The following ZNFX1 variants were observed in gnomAD, a reference collection of about 807,000 sequenced individuals.
ZNFX1 encodes the protein zinc finger NFX1-type containing 1, also known as NFX1-type zinc finger-containing protein 1.
ZNFX1 carries 78 observed loss-of-function variants against 179.8 expected under a neutral mutation model. That is an observed-to-expected ratio of 0.43 (90% CI 0.36 to 0.52). The LOEUF is 0.52. Among genes scored for constraint, ZNFX1 ranks in the 20% least tolerant of loss-of-function variants. The pLI is 0.00. For missense variants in ZNFX1, 1,927 were observed against 2,386.6 expected (o/e 0.81, Z 4.01); for synonymous variants, 848 against 868.5 (o/e 0.98, Z 0.42).
chr20:49,256,248 C>T (rs1272255259), intron 8 of ZNFX1, among the ~76,000 whole-genome samples: 1 of 152,152 alleles, frequency 6.6e-6, no homozygotes, highest in African/African-American at 2.4e-5. Context: ...ATAATGGTAT[C>T]TCTTTATAGG....
At chr20:49,274,036 G>C (rs188668490) in intron 2 of ZNFX1, among the ~76,000 whole-genome samples, 114 of 152,346 alleles carry the variant, frequency 7.5e-4, no homozygotes, top group African/African-American at 2.3e-3. Flanking sequence ...TTATGGAAAA[G>C]CAGGAATCCA....
At chr20:49,255,498 T>TTTTC (rs57239001) in intron 9 of ZNFX1, among the ~76,000 whole-genome samples, 104,546 of 151,400 alleles carry the variant, frequency 0.69, 36,912 homozygotes, top group Non-Finnish European at 0.77. Context: ...CTCTCTGTTC[T>TTTTC]TTTCTGAGTT....
In ZNFX1 at chr20:49,253,744, C is replaced by T. The variant is rs748323178; in HGVS notation, c.3027G>A (p.Ala1009=). Residue 1009 remains alanine, a synonymous_variant, in exon 11 of 14, where the codon GCG becomes GCA. Transcript: ENST00000396105. ...CAATGGTATGGGCCTCAAGGACTTCCGCAGCTTCTTCCACTATGACAATCC... is the reference window on the plus strand; with the variant it reads ...CAATGGTATGGGCCTCAAGGACTTCTGCAGCTTCTTCCACTATGACAATCC... The part of the protein sequence containing the change: ...EPRIVIVEEA[A]EVLEAHTIAT... 27 of 1,614,056 alleles carry T rather than the reference C, an allele frequency of 1.7e-5. No homozygotes were observed. The highest frequency in any genetic ancestry group is 6.7e-5 in the Admixed American group (4 of 60,000).
intron 11 of ZNFX1, 46 bp downstream of exon 11, chr20:49,253,619 AC>A: frequency 6.2e-7 from 1 of 1,610,602 alleles, no homozygotes; most frequent in South Asian, 1.1e-5. Context: ...TTATGATCTC[AC>A]CCCCACGGAG....
rs563292824 is a variant in ZNFX1 at position 49,271,583 on chromosome 20, G to T, written c.229C>A (p.Pro77Thr). The T allele has an allele frequency of 5.0e-6, 8 of 1,614,130 alleles. No homozygotes were observed. In the South Asian group the frequency reaches 8.8e-5, roughly 18 times the overall value. Residue 77 changes from proline (P) to threonine (T), a missense_variant, in exon 3 of 14, where the codon CCA becomes ACA. Physicochemically the swap from Pro to Thr is conservative, Grantham distance 38. Transcript: ENST00000396105. ...TCCTGGTTCCTCCTTCCTTGATGTGGGTTCCTGCCCATGGCCCTAAATCTC... is the reference window on the plus strand; with the variant it reads ...TCCTGGTTCCTCCTTCCTTGATGTGTGTTCCTGCCCATGGCCCTAAATCTC... ...EERFRAMGRNPHQGRRNQEGH... is the reference protein window; with the variant it reads ...EERFRAMGRNTHQGRRNQEGH...
Position 49,253,150 on chromosome 20 carries a change from G to C in ZNFX1, c.3106-320C>G, listed in dbSNP as rs559190493. Among the ~76,000 whole-genome samples the C allele has an allele frequency of 5.3e-5, 8 of 152,278 alleles. No individual in the cohort carries two copies. In the South Asian group the frequency reaches 1.7e-3, roughly 32 times the overall value. On this transcript the variant is annotated intron_variant, in intron 11 of 13. Coordinates refer to ENST00000396105, the MANE Select transcript of ZNFX1 (RefSeq NM_021035.3). ...CAAGATCCATAATGGGGAGCGGAAA[G>C]GACACAGTGGGACACCAAGAGCAAA...
At position 49,264,779 on chromosome 20, in the gene ZNFX1, C is replaced by T. The variant is rs1568985707; in HGVS notation, c.2088G>A (p.Glu696=). Reference sequence around the variant, plus strand: ...GGCGGAATTCCCGCTTGTTCCTCAGCTCCCTTAGGGTGAACTGCTTCAGGA... The same window carrying T: ...GGCGGAATTCCCGCTTGTTCCTCAGTTCCCTTAGGGTGAACTGCTTCAGGA... ...SEILKQFTLR[E]LRNKREFRRN... is the part of the protein sequence containing the mutation. Residue 696 remains glutamate, a synonymous_variant, in exon 5 of 14, where the codon GAG becomes GAA. Transcript: ENST00000396105. 1.2e-6 allele frequency: 2 copies of T among 1,614,098 alleles called. No individual in the cohort carries two copies. The highest frequency in any genetic ancestry group is 1.7e-6 in the Non-Finnish European group (2 of 1,180,046).
intron 10 of ZNFX1, 25 bp from the exon 11 acceptor site, chr20:49,253,836 G>A (rs548280847): frequency 5.6e-6 from 9 of 1,612,198 alleles, no homozygotes; most frequent in African/African-American, 1.3e-5. Flanking sequence ...GAAGAGAAAG[G>A]CTCCTCTGAG....
intron 6 of ZNFX1, among the ~76,000 whole-genome samples, chr20:49,262,845 T>C (rs238175): frequency 0.67 from 101,769 of 152,002 alleles, 35,011 homozygotes; most frequent in Non-Finnish European, 0.76. Flanking sequence ...ATCTATCAAC[T>C]CCCAAGTTCT....
In ZNFX1 at chr20:49,251,627, A is replaced by G; in HGVS notation, c.3217-5T>C. 1.2e-6 allele frequency: 2 copies of G among 1,605,634 alleles called. No homozygotes were observed. The highest frequency in any genetic ancestry group is 1.7e-6 in the Non-Finnish European group (2 of 1,176,096). On this transcript the variant is annotated splice_region_variant and splice_polypyrimidine_tract_variant and intron_variant, in intron 12 of 13. Transcript: ENST00000396105. ...AATTTCAGGGCACATACGGTGCTGAAAAAACACATGCATGTCATTAGAAAC... is the reference window on the plus strand; with the variant it reads ...AATTTCAGGGCACATACGGTGCTGAGAAAACACATGCATGTCATTAGAAAC...
intron 11 of ZNFX1, among the ~76,000 whole-genome samples, 191 bp from the exon 12 acceptor site, chr20:49,253,021 C>CA (rs199709079): frequency 6.6e-6 from 1 of 152,188 alleles, no homozygotes; most frequent in African/African-American, 2.4e-5. Flanking sequence ...GGTGATATGA[C>CA]AGAGTGCCCC....
intron 7 of ZNFX1, among the ~76,000 whole-genome samples, chr20:49,260,216 A>T (rs1305334482): frequency 1.3e-5 from 2 of 150,822 alleles, no homozygotes; most frequent in African/African-American, 4.9e-5. Context: ...TTGAACCTGG[A>T]AGGTGGAGGT....
rs1299825286 is a variant in ZNFX1, at chr20:49,270,477, G to A, written c.1335C>T (p.Ser445=). ...KPLKFVRWQN[S]KRLLYGSLVC... Reference sequence around the variant, plus strand: ...CCAAAGACCCATAGAGCAATCGTTTGGAATTCTGCCAGCGAACAAACTTCA... The same window carrying A: ...CCAAAGACCCATAGAGCAATCGTTTAGAATTCTGCCAGCGAACAAACTTCA... The change falls in exon 3 of 14, where the codon TCC becomes TCT. Residue 445 remains serine, a synonymous_variant. Coordinates refer to ENST00000396105, the MANE Select transcript of ZNFX1 (RefSeq NM_021035.3). This position sits in a 1 kb window ranked among gnomAD's most constrained non-coding sequence, Gnocchi z 4.6. 1.9e-6 allele frequency: 3 copies of A among 1,614,220 alleles called. No homozygotes were observed. The highest frequency in any genetic ancestry group is 3.3e-5 in the Admixed American group (2 of 60,032).
intron 2 of ZNFX1, 79 bp downstream of exon 2, chr20:49,275,700 C>T (rs1022316994): frequency 1.5e-6 from 2 of 1,322,416 alleles, no homozygotes; most frequent in Middle Eastern, 2.0e-4. Flanking sequence ...CTTAGGTAGG[C>T]CTGCTCATTT....
chr20:49,268,228 A>G (rs928811379), intron 3 of ZNFX1, among the ~76,000 whole-genome samples: 4 of 152,156 alleles, frequency 2.6e-5, no homozygotes, highest in African/African-American at 9.7e-5. Context: ...GTGAGGATGC[A>G]ATTAGTTAAG....
At position 49,255,201 on chromosome 20, in the gene ZNFX1, G is replaced by T. The variant is rs76227380; in HGVS notation, c.2805-552C>A. ...TGGGATTATAGGCACCGGCCACCAC[G>T]CCCAGCTAATTTTTTGTGTTTTTAG... On this transcript the variant is annotated intron_variant, in intron 9 of 13. Transcript: ENST00000396105. Among the ~76,000 whole-genome samples the T allele has an allele frequency of 1.3e-3, 201 of 152,030 alleles. 2 individuals are homozygous for T. Among genetic ancestry groups the T allele is most frequent in the East Asian group, 9.7e-3 (50 of 5,174 alleles).
Position 49,270,441 on chromosome 20 carries a change from G to C in ZNFX1, c.1371C>G (p.Ser457=), listed in dbSNP as rs1981353652. Residue 457 remains serine, a synonymous_variant, in exon 3 of 14, where the codon TCC becomes TCG. Coordinates refer to ENST00000396105, the MANE Select transcript of ZNFX1 (RefSeq NM_021035.3). This position sits in a 1 kb window ranked among gnomAD's most constrained non-coding sequence, Gnocchi z 4.6. ...RLLYGSLVCM[S]KDNFETFLFA... ...AAAGAAATGTCTCGAAGTTGTCCTT[G>C]GACATGCATACCAAAGACCCATAGA... The C allele has an allele frequency of 2.5e-6, 4 of 1,614,194 alleles. No individual in the cohort carries two copies. The South Asian group carries it at 4.4e-5, about 18-fold the overall frequency.
chr20:49,247,427 C>G lies in ZNFX1; in HGVS notation c.5597G>C (p.Arg1866Thr), dbSNP rs1568980062. 1.2e-6 allele frequency: 2 copies of G among 1,614,204 alleles called. No homozygotes were observed. Among genetic ancestry groups the G allele is most frequent in the Non-Finnish European group, 1.7e-6 (2 of 1,180,044 alleles). Residue 1866 changes from arginine to threonine, a missense_variant, in exon 14 of 14, where the codon AGG becomes ACG. Coordinates refer to ENST00000396105, the MANE Select transcript of ZNFX1 (RefSeq NM_021035.3). ...TTCCTTACAGTCAGGACACGTGCCC[C>G]TCTCCATGGCTCCCCCACAATCGCC... ...VIGDCGGAME[R>T]GTCPDCKEVI...
intron 2 of ZNFX1, among the ~76,000 whole-genome samples, chr20:49,273,408 A>T (rs1981473541): frequency 6.6e-6 from 1 of 152,166 alleles, no homozygotes; most frequent in African/African-American, 2.4e-5. Context: ...CTGGGATTAC[A>T]GGTGTCAGCC....
Sources: gnomAD v4.1 joint callset for allele counts (sites outside exome capture counted in the v4.1 genomes callset) on GRCh38, gnomAD v4.1.1 for gene constraint, Gnocchi (gnomAD v3.1) non-coding constraint, MANE v1.5 for transcripts, NCBI Gene and HGNC (gene_info 2026-07-23, HGNC 2026-07-21) for gene names.